Variants in PCDHA2 observed in about 807,000 individuals in gnomAD.
PCDHA2 encodes the protein protocadherin alpha 2, also known as protocadherin alpha-2.
In PCDHA2, 58 loss-of-function variants were observed where a neutral mutation model predicts 66.0. The ratio of observed to expected loss-of-function variants is 0.88; its 90% CI spans 0.71 to 1.09. The LOEUF (loss-of-function observed/expected upper bound fraction) is 1.09, where lower values mean the gene tolerates loss of function less well. Among genes scored for constraint, PCDHA2 ranks in the 50% least tolerant of loss-of-function variants. The pLI is 0.00. For synonymous variants in PCDHA2, 634 were observed against 554.0 expected (o/e 1.14, Z -2.03); for missense variants, 1,267 against 1,242.3 (o/e 1.02, Z -0.30).
chr5:140,879,097 G>T (rs2057851255), intron 1 of PCDHA2, among the ~76,000 whole-genome samples: 1 of 152,214 alleles, frequency 6.6e-6, no homozygotes, highest in Non-Finnish European at 1.5e-5. Flanking sequence ...CAACTGCACA[G>T]TATATGGTGT....
At chr5:140,878,352 A>T (rs2057558583) in intron 1 of PCDHA2, among the ~76,000 whole-genome samples, 1 of 152,242 alleles carries the variant, frequency 6.6e-6, no homozygotes, top group African/African-American at 2.4e-5. Flanking sequence ...CAATAATATA[A>T]ATGATATGTC....
At chr5:140,900,674 T>C (rs782072148) in intron 1 of PCDHA2, among the ~76,000 whole-genome samples, 11 of 152,230 alleles carry the variant, frequency 7.2e-5, no homozygotes, top group African/African-American at 2.4e-4. Context: ...AGTGCAGTTA[T>C]CTCTTCAATA....
In PCDHA2 at chr5:140,852,911, C is replaced by T. The variant is rs2150524968; in HGVS notation, c.2388+55559C>T. The T allele has an allele frequency of 1.1e-4, 89 of 791,740 alleles. 5 individuals are homozygous for T. The highest frequency in any genetic ancestry group is 1.3e-4 in the Non-Finnish European group (82 of 639,880). The allele number at this position is 791,740 out of a possible 1,614,324, so 49.0% of individuals were successfully genotyped here. On this transcript the variant is annotated intron_variant, in intron 1 of 3. Coordinates refer to ENST00000526136, the MANE Select transcript of PCDHA2 (RefSeq NM_018905.3). Reference sequence around the variant, plus strand: ...TTTTTTTTTTTGAGTCAGAGTCTCGCTCTGTTGCCCAGGCTGGAGTGCAGT... The same window carrying T: ...TTTTTTTTTTTGAGTCAGAGTCTCGTTCTGTTGCCCAGGCTGGAGTGCAGT...
chr5:140,852,681 T>A, intron 1 of PCDHA2: 1 of 968,122 alleles, frequency 1.0e-6, no homozygotes, highest in Non-Finnish European at 1.2e-6. Context: ...TCACCTTGAA[T>A]ATAGTCTTAT....
intron 1 of PCDHA2, chr5:140,803,697 C>T (rs1763265510): frequency 1.3e-6 from 2 of 1,533,220 alleles, no homozygotes; most frequent in African/African-American, 2.8e-5. Flanking sequence ...TTATGTGATT[C>T]ATAATTAGAC....
chr5:140,842,539 G>C lies in PCDHA2; in HGVS notation c.2388+45187G>C, dbSNP rs182995378. Reference sequence around the variant, plus strand: ...TGTCCACCTTCAAGAATTACTACTCGTTGGTGCTGGACAGCGCCCTGGACC... The same window carrying C: ...TGTCCACCTTCAAGAATTACTACTCCTTGGTGCTGGACAGCGCCCTGGACC... On this transcript the variant is annotated intron_variant, in intron 1 of 3. Coordinates refer to ENST00000526136, the MANE Select transcript of PCDHA2 (RefSeq NM_018905.3). 2.7e-5 allele frequency: 43 copies of C among 1,610,552 alleles called. 1 individual carries two copies. In the East Asian group the frequency reaches 8.7e-4, roughly 33 times the overall value.
intron 1 of PCDHA2, chr5:140,803,776 C>G (rs1763279145): frequency 9.9e-7 from 1 of 1,009,570 alleles, no homozygotes; most frequent in African/African-American, 1.6e-5. Context: ...ACCAAATCAG[C>G]AGTAAGTTAT....
At chr5:140,870,383 G>A (rs2051950706) in intron 1 of PCDHA2, 20 of 1,614,242 alleles carry the variant, frequency 1.2e-5, no homozygotes, top group Non-Finnish European at 1.7e-5. Flanking sequence ...GTGACTGCGC[G>A]GGATGGGGGT....
At chr5:140,849,956 C>A in intron 1 of PCDHA2, 1 of 1,597,918 alleles carries the variant, frequency 6.3e-7, no homozygotes, top group African/African-American at 1.3e-5. Flanking sequence ...CGCAGGAGAA[C>A]GCCCTGGTGT....
At position 140,966,655 on chromosome 5, in the gene PCDHA2, G is replaced by T. The variant is rs576875582; in HGVS notation, c.2389-12294G>T. The T allele has an allele frequency of 2.6e-5, 31 of 1,195,250 alleles. No homozygotes were observed. In the South Asian group the frequency reaches 4.0e-4, roughly 15 times the overall value. 74.0% of individuals were successfully genotyped at this position (1,195,250 alleles called of 1,614,324 possible). On this transcript the variant is annotated intron_variant, in intron 1 of 3. Coordinates refer to ENST00000526136, the MANE Select transcript of PCDHA2 (RefSeq NM_018905.3). ...AGGCGCTTTCTAGAGCGTGAGCGGT[G>T]GGGGAGCAGGCGCAGGGTGGCACGA...
chr5:140,869,666 A>C, intron 1 of PCDHA2: 12 of 1,613,524 alleles, frequency 7.4e-6, no homozygotes, highest in Non-Finnish European at 1.0e-5. Flanking sequence ...AATGGTAAGC[A>C]GATTAAAAGA....
At chr5:140,809,320 G>A (rs1764426395) in intron 1 of PCDHA2, 2 of 1,613,974 alleles carry the variant, frequency 1.2e-6, no homozygotes. Context: ...CCAGCCTTTT[G>A]GTGCTCACGC....
intron 1 of PCDHA2, chr5:140,809,652 C>T: frequency 6.7e-7 from 1 of 1,493,130 alleles, no homozygotes; most frequent in Non-Finnish European, 9.0e-7. Flanking sequence ...TTCTAAGAGT[C>T]AAATTTCCCT....
intron 1 of PCDHA2, among the ~76,000 whole-genome samples, chr5:140,972,784 C>T (rs2096555970): frequency 1.3e-5 from 2 of 151,762 alleles, no homozygotes; most frequent in South Asian, 4.2e-4. Context: ...CTGCCTCAGC[C>T]TCCTGAGTAG....
intron 1 of PCDHA2, chr5:140,806,988 A>T: frequency 1.5e-6 from 1 of 659,582 alleles, no homozygotes; most frequent in Non-Finnish European, 2.6e-6. Context: ...TTGGAGCCAC[A>T]TGATGTCGCT....
At chr5:140,866,557 A>G (rs1554160392) in intron 1 of PCDHA2, 1 of 152,136 alleles carries the variant, frequency 6.6e-6, no homozygotes, top group Non-Finnish European at 1.5e-5. Context: ...TAAATCCTAT[A>G]ATTTTGTTAA....
At chr5:140,896,012 T>C (rs1554186792) in intron 1 of PCDHA2, among the ~76,000 whole-genome samples, 3 of 152,162 alleles carry the variant, frequency 2.0e-5, no homozygotes, top group African/African-American at 7.2e-5. Context: ...GGTTTCTCCA[T>C]GTTGGCCAGG....
chr5:140,795,861 A>C lies in PCDHA2; in HGVS notation c.897A>C (p.Ser299=), dbSNP rs781952003. 1.2e-6 allele frequency: 2 copies of C among 1,613,958 alleles called. No homozygotes were observed. Among genetic ancestry groups the C allele is most frequent in the Non-Finnish European group, 1.7e-6 (2 of 1,179,992 alleles). ...CTAAGTTTACCATAGATCCCATCTC[A>C]GGGGAAATCAGAACTAAGGGAAAAT... ...IQTKFTIDPI[S]GEIRTKGKLD... is the part of the protein sequence containing the mutation. The change falls in exon 1 of 4, where the codon TCA becomes TCC. Residue 299 remains serine (S), a synonymous_variant. Coordinates refer to ENST00000526136, the MANE Select transcript of PCDHA2 (RefSeq NM_018905.3).
chr5:140,957,717 A>G (rs2095377934), intron 1 of PCDHA2, among the ~76,000 whole-genome samples: 1 of 152,166 alleles, frequency 6.6e-6, no homozygotes, highest in African/African-American at 2.4e-5. Context: ...TTATTAAGAA[A>G]GAAGCAGAAT....
Sources: gnomAD v4.1 joint callset for allele counts (sites outside exome capture counted in the v4.1 genomes callset) on GRCh38, gnomAD v4.1.1 for gene constraint, MANE v1.5 for transcripts, NCBI Gene and HGNC (gene_info 2026-07-23, HGNC 2026-07-21) for gene names.